Variants in ACSF3 observed in about 807,000 individuals in gnomAD.
ACSF3 encodes malonate--CoA ligase ACSF3, mitochondrial.
ACSF3 carries 78 observed loss-of-function variants against 53.2 expected under a neutral mutation model. That is an observed-to-expected ratio of 1.47 (90% CI 1.22 to 1.77). ACSF3 has a LOEUF of 1.77. ACSF3 is among the 40% of genes most tolerant of loss of function. ACSF3 has a pLI of 0.00. For missense variants in ACSF3, 937 were observed against 771.1 expected, an observed-to-expected ratio of 1.22 and a Z score of -2.55; for synonymous variants, 414 against 333.1, an observed-to-expected ratio of 1.24 and a Z score of -2.65.
intron 6 of ACSF3, among the ~76,000 whole-genome samples, chr16:89,115,823 C>T (rs778621521): frequency 2.0e-5 from 3 of 152,188 alleles, no homozygotes; most frequent in Non-Finnish European, 4.4e-5. Flanking sequence ...TCTTCCTGTT[C>T]GTGTCATTCC....
chr16:89,124,581 CTG>C (rs918863274), intron 7 of ACSF3, among the ~76,000 whole-genome samples: 12 of 151,524 alleles, frequency 7.9e-5, no homozygotes, highest in African/African-American at 2.9e-4. Context: ...CATGCGCACA[CTG>C]TGTGTGTGAT....
rs527334402 is a variant in ACSF3, at chr16:89,114,251, G to A, written c.978-88G>A. 3.8e-6 allele frequency: 6 copies of A among 1,585,038 alleles called. No homozygotes were observed. In the East Asian group the frequency reaches 9.0e-5, roughly 24 times the overall value. ...GGAGCTGCCACTTTTGCAAGCAAGG[G>A]CCGCCTCCTGAGGGGCTAAACCTGC... On this transcript the variant is annotated intron_variant, in intron 5 of 10. Transcript: ENST00000614302.
chr16:89,151,395 C>A, intron 10 of ACSF3: 2 of 361,478 alleles, frequency 5.5e-6, no homozygotes, highest in African/African-American at 2.1e-5. Context: ...TCCTAACTCC[C>A]CGTATGGGAC....
chr16:89,142,983 G>A (rs1202377696), intron 8 of ACSF3, among the ~76,000 whole-genome samples: 3 of 152,046 alleles, frequency 2.0e-5, no homozygotes, highest in Admixed American at 6.5e-5. Flanking sequence ...ATCCATTGCC[G>A]ACGTTGGCGT....
intron 4 of ACSF3, among the ~76,000 whole-genome samples, chr16:89,110,034 G>A (rs1190259330): frequency 6.6e-6 from 1 of 152,140 alleles, no homozygotes; most frequent in African/African-American, 2.4e-5. Flanking sequence ...CTTTTCAGAT[G>A]TACGGTTTAC....
At position 89,155,857 on chromosome 16, in the gene ACSF3, A is replaced by G. The variant is rs1914658928; in HGVS notation, c.*1650A>G. The G allele has an allele frequency of 4.6e-6, 2 of 431,626 alleles. No homozygotes were observed. Among genetic ancestry groups the G allele is most frequent in the Non-Finnish European group, 9.2e-6 (2 of 216,314 alleles). 26.7% of individuals were successfully genotyped at this position (431,626 alleles called of 1,614,324 possible). A position where few individuals can be genotyped will look rare whatever the true frequency, so the allele number is the denominator to read the frequency against. On this transcript the variant is annotated 3_prime_UTR_variant, in exon 11 of 11. Transcript: ENST00000614302. ...GCTTTATCCGATAGTATACATCAGT[A>G]TATCATGCTTTCGAAATAATGAGTG...
At chr16:89,104,108 T>G (rs1975689723) in intron 4 of ACSF3, among the ~76,000 whole-genome samples, 1 of 152,194 alleles carries the variant, frequency 6.6e-6, no homozygotes, top group Admixed American at 6.5e-5. Context: ...GGGGCAGGCC[T>G]TGAGCCCACA....
At chr16:89,094,278 A>T (rs1463853696) in intron 1 of ACSF3, among the ~76,000 whole-genome samples, 2 of 152,116 alleles carry the variant, frequency 1.3e-5, no homozygotes, top group Non-Finnish European at 2.9e-5. Context: ...GTCCGTGTTC[A>T]GGCATCCTCA....
chr16:89,101,487 A>G (rs1165485878), intron 3 of ACSF3, 140 bp downstream of exon 3: 7 of 1,507,334 alleles, frequency 4.6e-6, no homozygotes, highest in Middle Eastern at 2.4e-4. Flanking sequence ...CGTGTGAGAT[A>G]CAGGGACGCA....
intron 8 of ACSF3, chr16:89,140,996 C>T (rs1049147460): frequency 6.9e-6 from 8 of 1,167,034 alleles, no homozygotes; most frequent in East Asian, 1.2e-4. Flanking sequence ...ATTCCAGAAT[C>T]GATGCATTTT....
chr16:89,124,624 A>G (rs2151491589), intron 7 of ACSF3, among the ~76,000 whole-genome samples: 1 of 151,094 alleles, frequency 6.6e-6, no homozygotes, highest in African/African-American at 2.4e-5. Context: ...TATGTGTGTG[A>G]TACCTGTGCA....
At chr16:89,120,163 A>G (rs1436619776) in intron 6 of ACSF3, among the ~76,000 whole-genome samples, 1 of 152,000 alleles carries the variant, frequency 6.6e-6, no homozygotes, top group African/African-American at 2.4e-5. Context: ...CTCTGCCCCC[A>G]CCCCGGCCAG....
chr16:89,118,514 C>T (rs766557713), intron 6 of ACSF3, among the ~76,000 whole-genome samples: 1 of 152,176 alleles, frequency 6.6e-6, no homozygotes, highest in Admixed American at 6.5e-5. Context: ...GCCACAGGCT[C>T]TGAGCTCATG....
chr16:89,116,052 C>T (rs773330117), intron 6 of ACSF3, among the ~76,000 whole-genome samples: 1 of 152,200 alleles, frequency 6.6e-6, no homozygotes, highest in Non-Finnish European at 1.5e-5. Context: ...CCTTGCGTAG[C>T]CCAAAGTCAC....
chr16:89,147,529 G>GGGGGGGA (rs1555580588), intron 10 of ACSF3: 1 of 73,694 alleles, frequency 1.4e-5, no homozygotes, highest in African/African-American at 4.9e-5. Flanking sequence ...GTGAGCGGGG[G>GGGGGGGA]GGGGGGGAGG....
At chr16:89,122,393 G>T (rs1906874734) in intron 7 of ACSF3, 1 of 451,732 alleles carries the variant, frequency 2.2e-6, no homozygotes, top group Non-Finnish European at 4.5e-6. Flanking sequence ...CCATGCTGTT[G>T]TCCTGACATG....
intron 9 of ACSF3, 80 bp from the exon 10 acceptor site, chr16:89,145,858 T>C (rs1912835551): frequency 8.1e-7 from 1 of 1,235,678 alleles, no homozygotes; most frequent in Non-Finnish European, 1.2e-6. Flanking sequence ...ACTGCGCTCT[T>C]CCTGTGTGTC....
chr16:89,144,438 C>T (rs1003373971), intron 8 of ACSF3, among the ~76,000 whole-genome samples: 9 of 152,236 alleles, frequency 5.9e-5, no homozygotes, highest in Admixed American at 2.0e-4. Flanking sequence ...AGGAAAGGCC[C>T]TGTCCTCCTC....
At chr16:89,122,743 C>G in intron 7 of ACSF3, 1 of 153,496 alleles carries the variant, frequency 6.5e-6, no homozygotes, top group South Asian at 2.0e-4. Flanking sequence ...CCTGCTCTGC[C>G]GGAAATGGCA....
Sources: gnomAD v4.1 joint callset for allele counts (sites outside exome capture counted in the v4.1 genomes callset) on GRCh38, gnomAD v4.1.1 for gene constraint, MANE v1.5 for transcripts, NCBI Gene and HGNC (gene_info 2026-07-23, HGNC 2026-07-21) for gene names.